Variants in DLGAP4 observed in about 807,000 individuals in gnomAD.
The protein encoded by DLGAP4 is disks large-associated protein 4.
DLGAP4 carries 18 observed loss-of-function variants against 86.9 expected under a neutral mutation model. The ratio of observed to expected loss-of-function variants is 0.21; its 90% CI spans 0.14 to 0.31. DLGAP4 has a LOEUF of 0.31. DLGAP4 is among the 10% of genes least tolerant of loss of function. The pLI is 1.00. For missense variants in DLGAP4, 1,085 were observed against 1,362.6 expected (o/e 0.80, Z 3.21); for synonymous variants, 548 against 574.3 (o/e 0.95, Z 0.65).
intron 7 of DLGAP4, among the ~76,000 whole-genome samples, chr20:36,471,495 AAAAT>A (rs552350361): frequency 2.6e-5 from 4 of 151,986 alleles, no homozygotes; most frequent in African/African-American, 9.7e-5. Context: ...CTCCATCTCA[AAAAT>A]AAATAAATAA....
chr20:36,508,125 G>A (rs140458614), intron 10 of DLGAP4: 72 of 152,316 alleles, frequency 4.7e-4, no homozygotes, highest in African/African-American at 1.7e-3. Flanking sequence ...CCAAGGCGGG[G>A]CTTCAGGTTG....
chr20:36,524,390 G>T (rs767230042), intron 11 of DLGAP4, 49 bp downstream of exon 11: 2 of 1,526,964 alleles, frequency 1.3e-6, no homozygotes, highest in East Asian at 4.5e-5. Flanking sequence ...GCCTTTGGCT[G>T]CCCACTATAC....
chr20:36,392,950 G>A (rs917785137), intron 2 of DLGAP4, among the ~76,000 whole-genome samples: 2 of 152,150 alleles, frequency 1.3e-5, no homozygotes, highest in East Asian at 1.9e-4. Context: ...GAAGCCACAC[G>A]AGGGTCTGGG....
intron 7 of DLGAP4, among the ~76,000 whole-genome samples, chr20:36,480,742 A>G (rs1002345407): frequency 6.6e-6 from 1 of 152,056 alleles, no homozygotes; most frequent in African/African-American, 2.4e-5. Flanking sequence ...CGGTAACTCA[A>G]CGCCTGTAAT....
chr20:36,513,642 G>C (rs2036863984), intron 10 of DLGAP4, among the ~76,000 whole-genome samples: 1 of 151,858 alleles, frequency 6.6e-6, no homozygotes, highest in African/African-American at 2.4e-5. Flanking sequence ...GCACACAAAT[G>C]GAAGCTGGGA....
At chr20:36,514,307 GAA>G (rs774260387) in intron 10 of DLGAP4, among the ~76,000 whole-genome samples, 17 of 152,270 alleles carry the variant, frequency 1.1e-4, no homozygotes, top group African/African-American at 3.8e-4. Context: ...AGGATTAAGA[GAA>G]GAGAAAACAG....
intron 10 of DLGAP4, among the ~76,000 whole-genome samples, chr20:36,511,229 G>C (rs2036676339): frequency 6.6e-6 from 1 of 152,000 alleles, no homozygotes; most frequent in Non-Finnish European, 1.5e-5. Flanking sequence ...TTGAGAAAAG[G>C]TCTCACTCTG....
intron 8 of DLGAP4, chr20:36,499,370 C>T: frequency 6.8e-7 from 1 of 1,471,226 alleles, no homozygotes; most frequent in Non-Finnish European, 9.2e-7. Flanking sequence ...CGCCCACCTG[C>T]CCGCCCGCCC....
At chr20:36,316,937 A>G (rs1404913890) in intron 1 of DLGAP4, among the ~76,000 whole-genome samples, 1 of 152,198 alleles carries the variant, frequency 6.6e-6, no homozygotes, top group East Asian at 1.9e-4. Context: ...TTGCACACCT[A>G]CCAGGACTGG....
At chr20:36,375,533 C>T (rs2031118432) in intron 2 of DLGAP4, among the ~76,000 whole-genome samples, 1 of 152,144 alleles carries the variant, frequency 6.6e-6, no homozygotes, top group Non-Finnish European at 1.5e-5. Context: ...CTGCCCCTGC[C>T]CAGGGGAAAT....
chr20:36,362,909 C>T (rs1329937159), intron 1 of DLGAP4, among the ~76,000 whole-genome samples: 2 of 152,164 alleles, frequency 1.3e-5, no homozygotes, highest in Admixed American at 6.5e-5. Flanking sequence ...ATGAAGAAGG[C>T]TCTATAACTA....
At chr20:36,523,219 AT>A (rs1569526627) in intron 10 of DLGAP4, among the ~76,000 whole-genome samples, 1 of 151,848 alleles carries the variant, frequency 6.6e-6, no homozygotes, top group Non-Finnish European at 1.5e-5. Context: ...CACCCAGCTA[AT>A]TTTTTGTATT....
At chr20:36,430,497 G>T (rs2033099053) in intron 2 of DLGAP4, among the ~76,000 whole-genome samples, 1 of 152,080 alleles carries the variant, frequency 6.6e-6, no homozygotes, top group South Asian at 2.1e-4. Flanking sequence ...GGATGAGATG[G>T]GCCCTTGCCC....
chr20:36,461,456 C>G (rs1162863342), intron 7 of DLGAP4: 2 of 980,976 alleles, frequency 2.0e-6, no homozygotes, highest in African/African-American at 3.5e-5. Flanking sequence ...CCCGGAGCCC[C>G]GCCCCTCGGG....
At chr20:36,423,319 G>T (rs1489569274) in intron 2 of DLGAP4, among the ~76,000 whole-genome samples, 1 of 151,770 alleles carries the variant, frequency 6.6e-6, no homozygotes, top group East Asian at 1.9e-4. Context: ...AGCCAGGCGT[G>T]GTGGCAGGCA....
intron 7 of DLGAP4, among the ~76,000 whole-genome samples, chr20:36,488,605 G>T (rs2035524371): frequency 6.6e-6 from 1 of 151,028 alleles, no homozygotes; most frequent in Non-Finnish European, 1.5e-5. Context: ...TTGAGACAGG[G>T]TCTCTTGTTG....
intron 7 of DLGAP4, chr20:36,461,658 G>GCCCCCCCCCCC: frequency 3.6e-6 from 1 of 274,480 alleles, no homozygotes; most frequent in Non-Finnish European, 5.0e-6. Context: ...GACGGGGGCC[G>GCCCCCCCCCCC]CCCCGCCCGG....
chr20:36,432,289 G>A lies in DLGAP4; in HGVS notation c.572G>A (p.Gly191Glu). ...AAAAGCAAGGAGCGGGCCAAGGCTG[G>A]GGAGCCCAAACGGCGCAGCCGCTCC... ...RAKSKERAKA[G>E]EPKRRSRSNI... Residue 191 changes from glycine to glutamate, a missense_variant, in exon 3 of 13, where the codon GGG (glycine) becomes GAG (glutamate). Physicochemically the swap from Gly to Glu is moderately conservative, Grantham distance 98. Coordinates refer to ENST00000339266, the MANE Select transcript of DLGAP4 (RefSeq NM_001365621.2). The surrounding 1 kb of genome is among the most constrained non-coding windows in gnomAD (Gnocchi z 6.5). The A allele has an allele frequency of 3.7e-6, 6 of 1,613,760 alleles. No individual in the cohort carries two copies. Among genetic ancestry groups the A allele is most frequent in the Non-Finnish European group, 5.1e-6 (6 of 1,179,868 alleles).
At chr20:36,462,639 G>A (rs774354747) in intron 7 of DLGAP4, 4 of 1,563,514 alleles carry the variant, frequency 2.6e-6, no homozygotes, top group Non-Finnish European at 3.4e-6. Context: ...GAGTTGGCCC[G>A]CAGGCTGGCC....
Sources: allele counts gnomAD v4.1 joint callset (sites outside exome capture counted in the v4.1 genomes callset), GRCh38; gene constraint gnomAD v4.1.1; non-coding constraint Gnocchi (gnomAD v3.1); transcripts MANE v1.5; gene names NCBI Gene and HGNC (gene_info 2026-07-23, HGNC 2026-07-21).